Variants in UBE2D2 observed in about 807,000 individuals in gnomAD.
UBE2D2 encodes ubiquitin conjugating enzyme E2 D2.
A neutral mutation model predicts 24.2 loss-of-function variants in UBE2D2; 2 were observed. The ratio of observed to expected loss-of-function variants is 0.08; its 90% CI spans 0.03 to 0.26. The LOEUF (loss-of-function observed/expected upper bound fraction) is 0.26, where lower values mean the gene tolerates loss of function less well. Among genes scored for constraint, UBE2D2 ranks in the 10% least tolerant of loss-of-function variants. The pLI, the probability that UBE2D2 is intolerant of heterozygous loss-of-function variation, is 1.00. For missense variants in UBE2D2, 44 were observed against 177.6 expected, an observed-to-expected ratio of 0.25 and a Z score of 4.28; for synonymous variants, 58 against 56.5, an observed-to-expected ratio of 1.03 and a Z score of -0.12.
intron 1 of UBE2D2, among the ~76,000 whole-genome samples, chr5:139,562,861 C>G (rs972975532): frequency 1.3e-5 from 2 of 151,956 alleles, no homozygotes; most frequent in African/African-American, 4.8e-5. Flanking sequence ...TAGGGAGGCA[C>G]CACTATTAAT....
In UBE2D2 at chr5:139,539,156, C is replaced by T. The variant is rs550972528; in HGVS notation, c.-64+12544C>T. Among the ~76,000 whole-genome samples, 3 of 151,926 alleles carry T rather than the reference C, an allele frequency of 2.0e-5. No individual in the cohort carries two copies. The East Asian group carries it at 5.9e-4, about 30-fold the overall frequency. The stretch of plus-strand genomic sequence containing the variant: ...TCTCCTGCCTCAGCCTCCTGAGTAG[C>T]TGGGATTACAGGCGCCCACCACCAC... On this transcript the variant is annotated intron_variant, in intron 1 of 6. Transcript: ENST00000511725.
rs544992808 is a variant in UBE2D2 at position 139,573,443 on chromosome 5, A to G, written c.24+11628A>G. ...TACTCCTTTAAATGTCTTACTGTAT[A>G]TTGTTTTCATTGCAGTATAATATGA... On this transcript the variant is annotated intron_variant, in intron 1 of 6. Transcript: ENST00000398733. 2.0e-5 allele frequency among the ~76,000 whole-genome samples: 3 copies of G among 152,180 alleles called. No homozygotes were observed. The South Asian group carries it at 6.2e-4, about 32-fold the overall frequency.
upstream of UBE2D2, among the ~76,000 whole-genome samples, chr5:139,558,128 G>A (rs1454486120): frequency 1.3e-5 from 2 of 151,896 alleles, no homozygotes; most frequent in African/African-American, 4.8e-5. Context: ...GGATAGCTAG[G>A]ATATTTACCA....
intron 5 of UBE2D2, among the ~76,000 whole-genome samples, chr5:139,615,829 A>ATTTTTTT (rs200247238): frequency 3.1e-4 from 30 of 95,408 alleles, no homozygotes; most frequent in Admixed American, 8.2e-4. Flanking sequence ...AATAATCTAG[A>ATTTTTTT]TTTTTTTTTT....
chr5:139,594,580 A>G (rs545509328), intron 1 of UBE2D2, among the ~76,000 whole-genome samples: 49 of 151,932 alleles, frequency 3.2e-4, no homozygotes, highest in Admixed American at 2.0e-3. Flanking sequence ...CACCCGACTA[A>G]TTTTTGTATT....
chr5:139,570,567 A>G (rs1437033529), intron 1 of UBE2D2, among the ~76,000 whole-genome samples: 1 of 152,134 alleles, frequency 6.6e-6, no homozygotes, highest in Non-Finnish European at 1.5e-5. Context: ...GCTGGAGTGC[A>G]GTTGTGTGAT....
chr5:139,547,274 G>C (rs1225968410), intron 1 of UBE2D2, among the ~76,000 whole-genome samples: 1 of 152,012 alleles, frequency 6.6e-6, no homozygotes, highest in East Asian at 2.0e-4. Context: ...CTGGGTGACA[G>C]AGCGAGACTC....
intron 1 of UBE2D2, among the ~76,000 whole-genome samples, chr5:139,586,220 C>T (rs1269850590): frequency 6.7e-6 from 1 of 149,486 alleles, no homozygotes; most frequent in African/African-American, 2.5e-5. Context: ...CTCAGAATTT[C>T]ATATTGGTTT....
chr5:139,606,962 G>A (rs903010424), intron 2 of UBE2D2, among the ~76,000 whole-genome samples: 2 of 152,024 alleles, frequency 1.3e-5, no homozygotes, highest in South Asian at 4.1e-4. Flanking sequence ...CTGCCACCAC[G>A]CCCAGCTAAT....
chr5:139,570,177 G>T (rs1264179461), intron 1 of UBE2D2, among the ~76,000 whole-genome samples: 1 of 152,164 alleles, frequency 6.6e-6, no homozygotes, highest in Non-Finnish European at 1.5e-5. Flanking sequence ...TGAGACAGGA[G>T]GATCACTTGA....
chr5:139,564,237 T>TC (rs1753169972), intron 1 of UBE2D2, among the ~76,000 whole-genome samples: 2 of 152,092 alleles, frequency 1.3e-5, no homozygotes, highest in South Asian at 4.1e-4. Flanking sequence ...CACCGCAACC[T>TC]CCACCTCCTG....
intron 2 of UBE2D2, among the ~76,000 whole-genome samples, chr5:139,602,236 G>C (rs538343032): frequency 6.6e-6 from 1 of 152,300 alleles, no homozygotes; most frequent in African/African-American, 2.4e-5. Context: ...ATTTTTAGTA[G>C]AGACGGGGTT....
At chr5:139,604,452 A>G (rs897818781) in intron 2 of UBE2D2, among the ~76,000 whole-genome samples, 3 of 152,138 alleles carry the variant, frequency 2.0e-5, no homozygotes, top group Non-Finnish European at 4.4e-5. Flanking sequence ...AAAAACTCCT[A>G]TAACTCAGTA....
chr5:139,627,267 G>T lies in UBE2D2; in HGVS notation c.*466G>T, dbSNP rs971501203. ...GCTGTGTCTGTATTCATTTTATTCCGAAGGAGCTACGTCTTAGGTGAAAGT... is the reference window on the plus strand; with the variant it reads ...GCTGTGTCTGTATTCATTTTATTCCTAAGGAGCTACGTCTTAGGTGAAAGT... On this transcript the variant is annotated 3_prime_UTR_variant, in exon 7 of 7. Transcript: ENST00000398733. 1 of 154,998 alleles carries T rather than the reference G, an allele frequency of 6.5e-6. No homozygotes were observed. Among genetic ancestry groups the T allele is most frequent in the African/African-American group, 2.4e-5 (1 of 41,458 alleles). 9.6% of individuals were successfully genotyped at this position (154,998 alleles called of 1,614,324 possible).
chr5:139,581,457 A>G (rs1418794214), intron 1 of UBE2D2, among the ~76,000 whole-genome samples: 1 of 152,118 alleles, frequency 6.6e-6, no homozygotes, highest in African/African-American at 2.4e-5. Flanking sequence ...TCAAAAAAAA[A>G]AAGTAGAGGT....
intron 5 of UBE2D2, among the ~76,000 whole-genome samples, chr5:139,622,316 C>T (rs1754527069): frequency 6.6e-6 from 1 of 151,676 alleles, no homozygotes; most frequent in African/African-American, 2.4e-5. Flanking sequence ...ACGATCTCGG[C>T]TCACTGCAAC....
At chr5:139,585,416 CAG>C (rs1173087020) in intron 1 of UBE2D2, among the ~76,000 whole-genome samples, 1 of 151,840 alleles carries the variant, frequency 6.6e-6, no homozygotes, top group African/African-American at 2.4e-5. Context: ...TTTGTAGAGA[CAG>C]GGTCTCACTT....
At chr5:139,570,497 C>T (rs892419335) in intron 1 of UBE2D2, among the ~76,000 whole-genome samples, 1 of 151,820 alleles carries the variant, frequency 6.6e-6, no homozygotes, top group Non-Finnish European at 1.5e-5. Flanking sequence ...CATGCCACCA[C>T]GCCCGGCTAA....
At chr5:139,560,626 C>T (rs117684558), upstream of UBE2D2, among the ~76,000 whole-genome samples, 60 of 152,320 alleles carry the variant, frequency 3.9e-4, 1 homozygote, top group East Asian at 0.011. Context: ...GTCACCGCGC[C>T]CAGCCGTTGG....
Sources: allele counts gnomAD v4.1 joint callset (sites outside exome capture counted in the v4.1 genomes callset), GRCh38; gene constraint gnomAD v4.1.1; transcripts MANE v1.5; gene names NCBI Gene and HGNC (gene_info 2026-07-23, HGNC 2026-07-21).